The following BLTP1 variants were observed in gnomAD, a reference collection of about 807,000 sequenced individuals.
BLTP1 encodes the protein fragile site-associated protein.
the BLTP1 span, chr4:122,257,262 G>T: frequency 6.2e-7 from 1 of 1,613,342 alleles, no homozygotes. Context: ...CAGAGCGATG[G>T]ACTTCCTGCT....
At chr4:122,230,068 A>C in the BLTP1 span, 141 of 1,614,202 alleles carry the variant, frequency 8.7e-5, no homozygotes, top group African/African-American at 6.1e-4. Context: ...TTCAGCCTGC[A>C]GTGCTACGGA....
At chr4:122,335,634 G>T in the BLTP1 span, among the ~76,000 whole-genome samples, 1 of 152,098 alleles carries the variant, frequency 6.6e-6, no homozygotes, top group Non-Finnish European at 1.5e-5. Context: ...GAAAGTTAAG[G>T]CTCATAGAAG....
chr4:122,200,888 G>C, the BLTP1 span: 4 of 1,405,834 alleles, frequency 2.8e-6, no homozygotes, highest in Non-Finnish European at 3.8e-6. Flanking sequence ...GGGACCTTCT[G>C]TTCAGCTCAG....
At chr4:122,353,796 A>G in the BLTP1 span, 1 of 1,599,162 alleles carries the variant, frequency 6.3e-7, no homozygotes, top group South Asian at 1.1e-5. This position sits in a 1 kb window ranked among gnomAD's most constrained non-coding sequence, Gnocchi z 4.3. Flanking sequence ...TTAAAAAAGT[A>G]TTTTTATTTT....
chr4:122,246,570 T>C, the BLTP1 span: 10 of 1,285,544 alleles, frequency 7.8e-6, no homozygotes, highest in East Asian at 2.1e-4. Flanking sequence ...TTGTCTTCAC[T>C]GTCAAATACA....
chr4:122,357,435 T>A, the BLTP1 span, among the ~76,000 whole-genome samples: 1 of 151,886 alleles, frequency 6.6e-6, no homozygotes, highest in Non-Finnish European at 1.5e-5. Flanking sequence ...TGGTGGCACA[T>A]ACCTGTAGTC....
At chr4:122,253,617 A>G in the BLTP1 span, among the ~76,000 whole-genome samples, 3 of 152,154 alleles carry the variant, frequency 2.0e-5, no homozygotes, top group African/African-American at 4.8e-5. Context: ...AAAAGAAAAA[A>G]GGAATGAAAA....
chr4:122,310,347 G>T, the BLTP1 span, among the ~76,000 whole-genome samples: 1,103 of 152,042 alleles, frequency 7.3e-3, 10 homozygotes, highest in South Asian at 0.031. Context: ...TAGGCTATTT[G>T]CTGGGGGGCT....
chr4:122,206,271 G>T, the BLTP1 span: 1 of 170,792 alleles, frequency 5.9e-6, no homozygotes, highest in Non-Finnish European at 1.2e-5. Flanking sequence ...GTTCAGCCAT[G>T]CTTGTAGTTA....
At chr4:122,272,124 G>C in the BLTP1 span, 1 of 1,584,368 alleles carries the variant, frequency 6.3e-7, no homozygotes, top group South Asian at 1.2e-5. Flanking sequence ...TTCAGTCTTC[G>C]TATCTAAAAT....
chr4:122,333,638 T>C, the BLTP1 span: 1 of 1,598,348 alleles, frequency 6.3e-7, no homozygotes, highest in South Asian at 1.1e-5. Flanking sequence ...GGAGTTATGA[T>C]CGAAGTTCCA....
chr4:122,340,368 A>G, the BLTP1 span, among the ~76,000 whole-genome samples: 2 of 152,070 alleles, frequency 1.3e-5, no homozygotes, highest in African/African-American at 4.8e-5. Flanking sequence ...AAGACAGTGG[A>G]GGGGGAAATA....
chr4:122,262,147 T>TG, the BLTP1 span, among the ~76,000 whole-genome samples: 3 of 126,718 alleles, frequency 2.4e-5, no homozygotes, highest in East Asian at 2.3e-4. Flanking sequence ...TTACAGATCC[T>TG]TTGTGTGTGT....
At chr4:122,200,371 A>G in the BLTP1 span, 7 of 709,006 alleles carry the variant, frequency 9.9e-6, no homozygotes, top group Non-Finnish European at 1.2e-5. Context: ...TGAGGTCAGG[A>G]GTTCGAGACC....
the BLTP1 span, chr4:122,274,697 AT>A: frequency 1.1e-6 from 1 of 912,700 alleles, no homozygotes; most frequent in Non-Finnish European, 1.3e-6. Context: ...GCCTTTGATA[AT>A]TTAGGTCAGA....
the BLTP1 span, chr4:122,345,006 T>A: frequency 1.0e-6 from 1 of 985,044 alleles, no homozygotes. Context: ...GTCATTTCCT[T>A]TACATTGCGA....
chr4:122,208,263 T>C, the BLTP1 span: 1 of 625,072 alleles, frequency 1.6e-6, no homozygotes, highest in South Asian at 7.1e-5. Context: ...ACTGCATTTA[T>C]ACATTAGGAA....
At chr4:122,287,357 A>G in the BLTP1 span, among the ~76,000 whole-genome samples, 1 of 152,342 alleles carries the variant, frequency 6.6e-6, no homozygotes, top group East Asian at 1.9e-4. Context: ...CAAAAGTTTA[A>G]AAAGCATTTG....
chr4:122,188,941 G>A, the BLTP1 span: 2 of 985,088 alleles, frequency 2.0e-6, no homozygotes, highest in Non-Finnish European at 1.2e-6. Context: ...TAGAAAGAGG[G>A]TTTTTCCTTT....
Sources: allele counts gnomAD v4.1 joint callset (sites outside exome capture counted in the v4.1 genomes callset), GRCh38; gene constraint gnomAD v4.1.1; non-coding constraint Gnocchi (gnomAD v3.1); transcripts MANE v1.5; gene names NCBI Gene and HGNC (gene_info 2026-07-23, HGNC 2026-07-21).